The following NKAIN3 variants were observed in gnomAD, a reference collection of about 807,000 sequenced individuals.
The protein encoded by NKAIN3 is sodium/potassium transporting ATPase interacting 3.
A neutral mutation model predicts 30.2 loss-of-function variants in NKAIN3; 25 were observed. The ratio of observed to expected loss-of-function variants is 0.83; its 90% CI spans 0.60 to 1.16. The LOEUF is 1.16. Among genes scored for constraint, NKAIN3 ranks in the 50% most tolerant of loss-of-function variants. The pLI is 0.00. For missense variants in NKAIN3, 225 were observed against 254.1 expected, an observed-to-expected ratio of 0.89 and a Z score of 0.78; for synonymous variants, 91 against 89.6, an observed-to-expected ratio of 1.02 and a Z score of -0.09.
intron 4 of NKAIN3, among the ~76,000 whole-genome samples, chr8:62,887,494 T>C (rs1821182796): frequency 6.6e-6 from 1 of 152,180 alleles, no homozygotes; most frequent in Non-Finnish European, 1.5e-5. Flanking sequence ...CTCTTCTTAT[T>C]ACACATATTT....
intron 1 of NKAIN3, among the ~76,000 whole-genome samples, chr8:62,510,207 G>C (rs938860879): frequency 3.3e-5 from 5 of 152,022 alleles, no homozygotes; most frequent in Admixed American, 1.3e-4. Context: ...TGAATAGTTA[G>C]GTATTGTATC....
At chr8:62,648,996 A>T (rs376500419) in intron 3 of NKAIN3, among the ~76,000 whole-genome samples, 5 of 152,334 alleles carry the variant, frequency 3.3e-5, no homozygotes, top group African/African-American at 1.2e-4. Flanking sequence ...TCAGCCAGGA[A>T]TTAGAGCAAG....
intron 1 of NKAIN3, among the ~76,000 whole-genome samples, chr8:62,277,798 C>T (rs575928737): frequency 2.4e-4 from 36 of 152,194 alleles, no homozygotes; most frequent in African/African-American, 7.0e-4. Flanking sequence ...AGGATGAAGT[C>T]GGTGGTTTTG....
intron 1 of NKAIN3, among the ~76,000 whole-genome samples, chr8:62,320,763 A>G (rs886300428): frequency 1.6e-4 from 24 of 152,144 alleles, no homozygotes; most frequent in Non-Finnish European, 2.8e-4. Context: ...TTTGCCCTTA[A>G]CATTTTTTCC....
Position 62,554,022 on chromosome 8 carries a change from G to A in NKAIN3, c.55-25517G>A, listed in dbSNP as rs145323321. Among the ~76,000 whole-genome samples the A allele has an allele frequency of 6.6e-5, 10 of 152,182 alleles. No homozygotes were observed. The East Asian group carries it at 1.5e-3, about 24-fold the overall frequency. ...TTCCTACTTCACCTCAACATACAGC[G>A]ATGACTTGTGTTAGTAGTTTCCTAA... On this transcript the variant is annotated intron_variant, in intron 1 of 6. Coordinates refer to ENST00000623646, the MANE Select transcript of NKAIN3 (RefSeq NM_001304533.3).
chr8:62,545,794 G>A lies in NKAIN3; in HGVS notation c.55-33745G>A, dbSNP rs79155026. Among the ~76,000 whole-genome samples the A allele has an allele frequency of 3.4e-4, 51 of 152,064 alleles. No homozygotes were observed. In the East Asian group the frequency reaches 9.1e-3, roughly 27 times the overall value. ...CTGTGTACATAAACCATTTTGCATAGGTATGTAAAAATTTTTCAATCAAAT... is the reference window on the plus strand; with the variant it reads ...CTGTGTACATAAACCATTTTGCATAAGTATGTAAAAATTTTTCAATCAAAT... On this transcript the variant is annotated intron_variant, in intron 1 of 6. Coordinates refer to ENST00000623646, the MANE Select transcript of NKAIN3 (RefSeq NM_001304533.3).
At chr8:62,951,601 G>C (rs1235830693) in intron 5 of NKAIN3, among the ~76,000 whole-genome samples, 3 of 151,858 alleles carry the variant, frequency 2.0e-5, no homozygotes, top group African/African-American at 7.3e-5. Flanking sequence ...TGGGACTACA[G>C]GCACATGCCA....
chr8:62,692,360 C>T (rs181435165), intron 3 of NKAIN3, among the ~76,000 whole-genome samples: 2 of 152,220 alleles, frequency 1.3e-5, no homozygotes, highest in East Asian at 3.9e-4. Flanking sequence ...AATATGCATC[C>T]AGGTATAAGA....
At chr8:62,651,639 G>A (rs1016855172) in intron 3 of NKAIN3, among the ~76,000 whole-genome samples, 2 of 152,160 alleles carry the variant, frequency 1.3e-5, no homozygotes, top group Non-Finnish European at 2.9e-5. Flanking sequence ...CTCACATGGT[G>A]ATATGGTTTG....
intron 4 of NKAIN3, chr8:62,863,501 G>A (rs1184907952): frequency 2.0e-6 from 3 of 1,517,402 alleles, no homozygotes; most frequent in African/African-American, 2.7e-5. Flanking sequence ...CGTACTGGGT[G>A]GGAGGCCTTG....
At chr8:62,753,220 A>ACACG (rs1251735338) in intron 4 of NKAIN3, among the ~76,000 whole-genome samples, 223 of 150,106 alleles carry the variant, frequency 1.5e-3, no homozygotes, top group African/African-American at 5.2e-3. Flanking sequence ...ACACACACAC[A>ACACG]CACACACACA....
chr8:62,646,350 AC>A (rs1812460302), intron 3 of NKAIN3, among the ~76,000 whole-genome samples: 1 of 152,158 alleles, frequency 6.6e-6, no homozygotes, highest in Non-Finnish European at 1.5e-5. Context: ...AAACTGCAAA[AC>A]AGAGCAGAGA....
chr8:62,291,262 T>A, intron 1 of NKAIN3, among the ~76,000 whole-genome samples: 1 of 152,208 alleles, frequency 6.6e-6, no homozygotes, highest in Admixed American at 6.5e-5. Context: ...ATCTTAGTTA[T>A]TTCTTGACTT....
intron 1 of NKAIN3, among the ~76,000 whole-genome samples, chr8:62,288,435 C>A (rs1813453877): frequency 6.6e-6 from 1 of 152,114 alleles, no homozygotes; most frequent in Non-Finnish European, 1.5e-5. Flanking sequence ...TGTTCCCCAC[C>A]CTGTGTCCAA....
chr8:62,389,151 G>T (rs2129594454), intron 1 of NKAIN3, among the ~76,000 whole-genome samples: 1 of 152,176 alleles, frequency 6.6e-6, no homozygotes, highest in South Asian at 2.1e-4. Context: ...TCATCTACAG[G>T]AAAATAAGAG....
In NKAIN3 at chr8:62,559,879, A is replaced by C. The variant is rs145866687; in HGVS notation, c.55-19660A>C. 2.5e-3 allele frequency among the ~76,000 whole-genome samples: 382 copies of C among 152,108 alleles called. 2 individuals carry two copies. Among genetic ancestry groups the C allele is most frequent in the African/African-American group, 8.9e-3 (370 of 41,536 alleles). On this transcript the variant is annotated intron_variant, in intron 1 of 6. Coordinates refer to ENST00000623646, the MANE Select transcript of NKAIN3 (RefSeq NM_001304533.3). ...TCTTTCTGGTGTCCTGTTGCTTCAA[A>C]ATTTCTTATTTGATCATTTTATTTC...
At chr8:62,898,842 G>GTAT (rs1821516419) in intron 4 of NKAIN3, among the ~76,000 whole-genome samples, 1 of 151,524 alleles carries the variant, frequency 6.6e-6, no homozygotes, top group African/African-American at 2.4e-5. Flanking sequence ...CTGTCAAGGG[G>GTAT]TACTAACTAG....
intron 1 of NKAIN3, among the ~76,000 whole-genome samples, chr8:62,309,903 A>G (rs908527317): frequency 6.7e-6 from 1 of 150,172 alleles, no homozygotes; most frequent in Admixed American, 6.6e-5. Context: ...TATCCCTGAA[A>G]CTCATCTATT....
At chr8:62,349,356 C>T (rs1341293907) in intron 1 of NKAIN3, among the ~76,000 whole-genome samples, 1 of 151,974 alleles carries the variant, frequency 6.6e-6, no homozygotes, top group African/African-American at 2.4e-5. Context: ...GGAATTGATT[C>T]AGGAAAGTTT....
Sources: gnomAD v4.1 joint callset for allele counts (sites outside exome capture counted in the v4.1 genomes callset) on GRCh38, gnomAD v4.1.1 for gene constraint, MANE v1.5 for transcripts, NCBI Gene and HGNC (gene_info 2026-07-23, HGNC 2026-07-21) for gene names.